Variants in CRADD observed in about 807,000 individuals in gnomAD.
CRADD encodes the protein CARD and death domain containing adaptor protein.
Under a neutral mutation model 15.5 loss-of-function variants are expected in CRADD, and 9 were observed. The observed-to-expected ratio is 0.58, with a 90% confidence interval of 0.35 to 1.01. The LOEUF (loss-of-function observed/expected upper bound fraction) is 1.01. Ranked by LOEUF, CRADD falls within the 50% of genes least tolerant of loss-of-function variation. The pLI is 0.02. For missense variants in CRADD, 227 were observed against 250.3 expected (o/e 0.91, Z 0.63); for synonymous variants, 118 against 107.6 (o/e 1.10, Z -0.60).
chr12:93,857,781 A>G (rs971147899), intron 2 of CRADD, among the ~76,000 whole-genome samples: 1 of 152,206 alleles, frequency 6.6e-6, no homozygotes, highest in East Asian at 1.9e-4. Flanking sequence ...CAAGTGATGT[A>G]TGACAGTCTC....
chr12:93,785,723 C>A (rs1957271020), intron 2 of CRADD, among the ~76,000 whole-genome samples: 1 of 152,168 alleles, frequency 6.6e-6, no homozygotes, highest in Admixed American at 6.5e-5. Context: ...AATGGTGTTA[C>A]CCTACTTCAC....
chr12:93,886,261 C>A lies in CRADD; in HGVS notation c.299-7789C>A, dbSNP rs116135063. On this transcript the variant is annotated intron_variant, in intron 2 of 2. Coordinates refer to the CRADD transcript ENST00000548483. ...CTCACTGCAACCTCCACCTCCTGGG[C>A]TCGATCCTCCCACCTCAGTCTCCCA... Among the ~76,000 whole-genome samples, 1,479 of 149,146 alleles carry A rather than the reference C, an allele frequency of 9.9e-3. 21 individuals are homozygous for A. Among genetic ancestry groups the A allele is most frequent in the African/African-American group, 0.035 (1,414 of 40,548 alleles).
chr12:93,730,372 CA>C (rs1264263230), intron 2 of CRADD, among the ~76,000 whole-genome samples: 1 of 152,162 alleles, frequency 6.6e-6, no homozygotes, highest in Non-Finnish European at 1.5e-5. Flanking sequence ...ATTAGATTGG[CA>C]ACAATTGAAA....
intron 2 of CRADD, among the ~76,000 whole-genome samples, chr12:93,682,176 C>T (rs954488357): frequency 1.3e-5 from 2 of 152,122 alleles, no homozygotes; most frequent in African/African-American, 4.8e-5. Flanking sequence ...AAAAGAAATC[C>T]AGAACCTACT....
intron 2 of CRADD, among the ~76,000 whole-genome samples, chr12:93,815,650 G>C (rs1416164950): frequency 6.6e-6 from 1 of 152,046 alleles, no homozygotes; most frequent in Non-Finnish European, 1.5e-5. Flanking sequence ...AAAACTTCTG[G>C]GCCAGGTAAT....
At chr12:93,711,055 C>CCCCCCCCTT in intron 2 of CRADD, among the ~76,000 whole-genome samples, 8 of 43,508 alleles carry the variant, frequency 1.8e-4, no homozygotes, top group South Asian at 1.3e-3. Flanking sequence ...CCACCCCCGC[C>CCCCCCCCTT]TTTTTTTTTT....
intron 2 of CRADD, among the ~76,000 whole-genome samples, chr12:93,699,753 T>G (rs1445348266): frequency 6.6e-6 from 1 of 152,194 alleles, no homozygotes; most frequent in Non-Finnish European, 1.5e-5. Context: ...TATTAGGTTC[T>G]CAATCCCCTA....
intron 1 of CRADD, chr12:93,678,141 G>A (rs889355950): frequency 2.6e-5 from 4 of 152,322 alleles, no homozygotes; most frequent in African/African-American, 9.6e-5. Context: ...TGGAGTCTGT[G>A]ACTGTATATT....
chr12:93,741,976 G>T (rs55943016), intron 2 of CRADD, among the ~76,000 whole-genome samples: 3,797 of 152,188 alleles, frequency 0.025, 81 homozygotes, highest in South Asian at 0.092. Flanking sequence ...TTTGTTATCT[G>T]ATTTGCTAGC....
In CRADD at chr12:93,804,157, G is replaced by GA. The variant is rs146107925; in HGVS notation, c.299-45803dup. Among the ~76,000 whole-genome samples, 976 of 148,896 alleles carry GA rather than the reference G, an allele frequency of 6.6e-3. 10 individuals carry two copies. The highest frequency in any genetic ancestry group is 0.02 in the African/African-American group (798 of 40,742). On this transcript the variant is annotated intron_variant, in intron 2 of 2. Transcript: ENST00000332896. ...ACCATCCCATACAAAACACTTAAATGAAAAAAAAAATACATACATCTGTAG... is the reference window on the plus strand; with the variant it reads ...ACCATCCCATACAAAACACTTAAATGAAAAAAAAAAATACATACATCTGTAG...
intron 2 of CRADD, among the ~76,000 whole-genome samples, chr12:93,863,297 C>T (rs898970100): frequency 1.3e-5 from 2 of 152,132 alleles, no homozygotes; most frequent in East Asian, 3.9e-4. Flanking sequence ...CTGTCTATAG[C>T]CCCAGGCCTC....
At chr12:93,817,039 T>G (rs571459696) in intron 2 of CRADD, among the ~76,000 whole-genome samples, 10 of 152,330 alleles carry the variant, frequency 6.6e-5, no homozygotes, top group African/African-American at 2.4e-4. Context: ...ATTTTACAAA[T>G]ATAGTATTTT....
intron 2 of CRADD, among the ~76,000 whole-genome samples, chr12:93,882,894 T>G (rs928705267): frequency 3.3e-5 from 5 of 152,216 alleles, no homozygotes; most frequent in African/African-American, 9.7e-5. Flanking sequence ...TTCTCTTCCT[T>G]TCCTTTCCAT....
intron 2 of CRADD, among the ~76,000 whole-genome samples, chr12:93,696,063 G>A (rs1275737337): frequency 6.6e-6 from 1 of 152,164 alleles, no homozygotes; most frequent in Non-Finnish European, 1.5e-5. Flanking sequence ...TAGAATTCTA[G>A]GTGCTTATTA....
At chr12:93,726,557 A>T (rs925338939) in intron 2 of CRADD, among the ~76,000 whole-genome samples, 3 of 151,966 alleles carry the variant, frequency 2.0e-5, no homozygotes, top group Non-Finnish European at 4.4e-5. Flanking sequence ...CTTTACTAGT[A>T]CTCTACTTGG....
intron 2 of CRADD, among the ~76,000 whole-genome samples, chr12:93,886,511 C>T (rs1025059945): frequency 5.9e-5 from 9 of 152,100 alleles, no homozygotes; most frequent in African/African-American, 2.2e-4. Context: ...CAACTCCCCA[C>T]CCATAGGCAT....
chr12:93,702,928 C>T (rs1037614703), intron 2 of CRADD, among the ~76,000 whole-genome samples: 6 of 152,258 alleles, frequency 3.9e-5, no homozygotes, highest in South Asian at 2.1e-4. Context: ...AATTCCCTTC[C>T]GATTCATTTC....
chr12:93,681,210 T>C (rs546660974), intron 2 of CRADD, among the ~76,000 whole-genome samples: 2 of 152,306 alleles, frequency 1.3e-5, no homozygotes, highest in Admixed American at 1.3e-4. Flanking sequence ...TTCAGATTCA[T>C]TCAGAGAGTT....
chr12:93,725,875 T>C (rs903814353), intron 2 of CRADD, among the ~76,000 whole-genome samples: 4 of 152,114 alleles, frequency 2.6e-5, no homozygotes, highest in African/African-American at 9.7e-5. Context: ...CTGCCTGTAA[T>C]GTAGGTATTT....
Sources: gnomAD v4.1 joint callset for allele counts (sites outside exome capture counted in the v4.1 genomes callset) on GRCh38, gnomAD v4.1.1 for gene constraint, MANE v1.5 for transcripts, NCBI Gene and HGNC (gene_info 2026-07-23, HGNC 2026-07-21) for gene names.